NME7: variants seen among roughly 807,000 people sequenced by gnomAD.
The protein encoded by NME7 is nucleoside diphosphate kinase 7.
NME7 carries 41 observed loss-of-function variants against 49.1 expected under a neutral mutation model. The ratio of observed to expected loss-of-function variants is 0.83; its 90% confidence interval spans 0.65 to 1.08. The LOEUF (loss-of-function observed/expected upper bound fraction) is 1.08. Ranked by LOEUF, NME7 falls within the 50% of genes least tolerant of loss-of-function variation. The pLI is 0.00. For missense variants in NME7, 423 were observed against 463.4 expected (o/e 0.91, Z 0.80); for synonymous variants, 139 against 150.6 (o/e 0.92, Z 0.56).
chr1:169,237,676 T>C lies in NME7; in HGVS notation c.766A>G (p.Lys256Glu), dbSNP rs567112396. ...PHAVSEGLLGKILMAIRDAGF... is the reference protein window; with the variant it reads ...PHAVSEGLLGEILMAIRDAGF... ...GCATCTCGGATAGCCATCAGGATCTTTCCCAACAGTCCTGAAAATGAAGGA... is the reference window on the plus strand; with the variant it reads ...GCATCTCGGATAGCCATCAGGATCTCTCCCAACAGTCCTGAAAATGAAGGA... The change falls in exon 8 of 12, where the codon AAG becomes GAG. Residue 256 changes from lysine (K) to glutamate (E), a missense_variant. Coordinates refer to ENST00000367811, the MANE Select transcript of NME7 (RefSeq NM_013330.5). 5.6e-6 allele frequency: 9 copies of C among 1,609,778 alleles called. No homozygotes were observed. The East Asian group carries it at 1.6e-4, about 28-fold the overall frequency.
chr1:169,132,913 G>T lies in NME7; in HGVS notation c.1099-96C>A. On this transcript the variant is annotated intron_variant, in intron 11 of 11. Coordinates refer to ENST00000367811, the MANE Select transcript of NME7 (RefSeq NM_013330.5). The stretch of plus-strand genomic sequence containing the variant: ...AGGTTGGTCAGGACTTCAGACACTG[G>T]CATACCCCTTCCCAAAGACACTAAA... The T allele has an allele frequency of 7.5e-6, 6 of 804,838 alleles. No individual in the cohort carries two copies. The South Asian group carries it at 9.7e-5, about 13-fold the overall frequency. 49.9% of individuals were successfully genotyped at this position (804,838 alleles called of 1,614,324 possible). A position where few individuals can be genotyped will look rare whatever the true frequency, so the allele number is the denominator to read the frequency against.
At chr1:169,308,571 G>C (rs1651268495) in intron 4 of NME7, among the ~76,000 whole-genome samples, 1 of 152,118 alleles carries the variant, frequency 6.6e-6, no homozygotes, top group African/African-American at 2.4e-5. Context: ...TCATCTTCCA[G>C]AATGTTTCAG....
At chr1:169,324,783 G>T (rs1222165333) in intron 1 of NME7, among the ~76,000 whole-genome samples, 1 of 152,094 alleles carries the variant, frequency 6.6e-6, no homozygotes, top group Non-Finnish European at 1.5e-5. Context: ...CGTTTTCTGA[G>T]AACATGAGCT....
Position 169,347,160 on chromosome 1 carries a change from C to T in NME7, c.3+20548G>A, listed in dbSNP as rs529527002. ...CAGGAGTTGGAGTTATGACCATACC[C>T]CTGCGCTCCAGCCTGACCGACACAG... is the stretch of plus-strand genomic sequence containing the variant. On this transcript the variant is annotated intron_variant, in intron 1 of 11. Coordinates refer to ENST00000367811, the MANE Select transcript of NME7 (RefSeq NM_013330.5). Among the ~76,000 whole-genome samples the T allele has an allele frequency of 4.6e-5, 7 of 152,206 alleles. 1 individual carries two copies. In the East Asian group the frequency reaches 1.4e-3, roughly 29 times the overall value.
intron 10 of NME7, among the ~76,000 whole-genome samples, chr1:169,182,194 T>G (rs1173890297): frequency 2.0e-5 from 2 of 99,038 alleles, no homozygotes; most frequent in Admixed American, 9.7e-5. Flanking sequence ...AAAAAACAAC[T>G]CTGTAGAGAT....
intron 10 of NME7, among the ~76,000 whole-genome samples, chr1:169,216,419 T>C (rs114842935): frequency 0.014 from 2,162 of 152,340 alleles, 57 homozygotes; most frequent in African/African-American, 0.049. Context: ...AGCTTCCAGA[T>C]AGCTGAGCAA....
At chr1:169,261,582 T>A (rs1649164319) in intron 7 of NME7, among the ~76,000 whole-genome samples, 1 of 133,274 alleles carries the variant, frequency 7.5e-6, no homozygotes, top group Non-Finnish European at 1.8e-5. Flanking sequence ...CCTAACCATC[T>A]CCTTGGTTGC....
At chr1:169,191,584 G>C (rs1571278817) in intron 10 of NME7, among the ~76,000 whole-genome samples, 1 of 152,136 alleles carries the variant, frequency 6.6e-6, no homozygotes, top group East Asian at 1.9e-4. Flanking sequence ...TTTTCAGCCT[G>C]AATCTAGTGA....
intron 10 of NME7, among the ~76,000 whole-genome samples, chr1:169,185,493 A>G (rs1660041114): frequency 6.6e-6 from 1 of 152,166 alleles, no homozygotes; most frequent in Non-Finnish European, 1.5e-5. Context: ...GAAGCTTATT[A>G]ATACTTTCAC....
At chr1:169,288,838 T>C (rs1454248652) in intron 6 of NME7, among the ~76,000 whole-genome samples, 1 of 152,142 alleles carries the variant, frequency 6.6e-6, no homozygotes, top group Non-Finnish European at 1.5e-5. Flanking sequence ...CGAGAGAACC[T>C]TTATGGTACA....
chr1:169,272,028 A>C lies in NME7; in HGVS notation c.754+15275T>G, dbSNP rs191566583. Among the ~76,000 whole-genome samples, 1,084 of 132,274 alleles carry C rather than the reference A, an allele frequency of 8.2e-3. 126 individuals carry two copies. The highest frequency in any genetic ancestry group is 0.026 in the African/African-American group (1,039 of 39,454). 86.8% of individuals were successfully genotyped at this position (132,274 alleles called of 152,430 possible). A position where few individuals can be genotyped will look rare whatever the true frequency, so the allele number is the denominator to read the frequency against. ...AATACAGGTTTAGAAATAAAAGGAA[A>C]AAAAAGCCTTGGGTTGCCAAAGTTT... On this transcript the variant is annotated intron_variant, in intron 7 of 11. Coordinates refer to ENST00000367811, the MANE Select transcript of NME7 (RefSeq NM_013330.5).
chr1:169,253,109 G>A (rs547392104), intron 7 of NME7, among the ~76,000 whole-genome samples: 1 of 152,124 alleles, frequency 6.6e-6, no homozygotes, highest in Non-Finnish European at 1.5e-5. Flanking sequence ...AAAGGCATTG[G>A]TAGCTTGATG....
At chr1:169,265,051 T>C (rs1282996955) in intron 7 of NME7, among the ~76,000 whole-genome samples, 1 of 132,542 alleles carries the variant, frequency 7.5e-6, no homozygotes, top group African/African-American at 2.5e-5. Flanking sequence ...TCGTGAGAAC[T>C]CACTAATTAT....
At position 169,325,420 on chromosome 1, in the gene NME7, T is replaced by A. The variant is rs143633974; in HGVS notation, c.4-920A>T. Among the ~76,000 whole-genome samples, 943 of 152,038 alleles carry A rather than the reference T, an allele frequency of 6.2e-3. 10 individuals carry two copies. The highest frequency in any genetic ancestry group is 0.021 in the African/African-American group (888 of 41,474). ...AGCTGGGACCCTTGGTCACTTAGGT[T>A]GCCTGTAGTTGGAGGTCTGTGAAGT... On this transcript the variant is annotated intron_variant, in intron 1 of 11. Transcript: ENST00000367811.
chr1:169,288,551 T>C (rs989776889), intron 6 of NME7, among the ~76,000 whole-genome samples: 1 of 152,154 alleles, frequency 6.6e-6, no homozygotes, highest in East Asian at 1.9e-4. Context: ...ACTGTATTTA[T>C]TTTTCATTAA....
chr1:169,330,256 A>T (rs6662237), intron 1 of NME7, among the ~76,000 whole-genome samples: 1 of 151,910 alleles, frequency 6.6e-6, no homozygotes, highest in Non-Finnish European at 1.5e-5. Flanking sequence ...CCTGAAGGTA[A>T]AAAACTCACT....
chr1:169,341,539 G>A (rs555180236), intron 1 of NME7, among the ~76,000 whole-genome samples: 1 of 152,264 alleles, frequency 6.6e-6, no homozygotes, highest in East Asian at 1.9e-4. Flanking sequence ...GTGAGAAGAG[G>A]GCCAATGTCC....
At chr1:169,233,596 T>C (rs1363261525) in intron 9 of NME7, among the ~76,000 whole-genome samples, 1 of 152,222 alleles carries the variant, frequency 6.6e-6, no homozygotes, top group African/African-American at 2.4e-5. Context: ...TCTCAGCTAA[T>C]ACAAACTACA....
intron 11 of NME7, among the ~76,000 whole-genome samples, chr1:169,141,016 T>C (rs900937713): frequency 1.3e-5 from 2 of 152,180 alleles, no homozygotes; most frequent in African/African-American, 2.4e-5. Context: ...CCTTTATACA[T>C]AGTGCTCAAT....
Sources: gnomAD v4.1 joint callset for allele counts (sites outside exome capture counted in the v4.1 genomes callset) on GRCh38, gnomAD v4.1.1 for gene constraint, MANE v1.5 for transcripts, NCBI Gene and HGNC (gene_info 2026-07-23, HGNC 2026-07-21) for gene names.